The following WDR33 variants were observed in gnomAD, a reference collection of about 807,000 sequenced individuals.
WDR33 encodes WD repeat domain 33.
Under a neutral mutation model 164.9 loss-of-function variants are expected in WDR33, and 47 were observed. That is an observed-to-expected ratio of 0.29 (90% CI 0.23 to 0.36). The LOEUF is 0.36. WDR33 is among the 10% of genes least tolerant of loss of function. The pLI is 1.00. For missense variants in WDR33, 1,137 were observed against 1,754.1 expected (o/e 0.65, Z 6.28); for synonymous variants, 505 against 589.0 (o/e 0.86, Z 2.06).
rs1215601328 is a variant in WDR33 at position 127,716,200 on chromosome 2, C to A, written c.2869+955G>T. On this transcript the variant is annotated intron_variant, in intron 17 of 21. Transcript: ENST00000322313. The surrounding 1 kb of genome is among the most constrained non-coding windows in gnomAD (Gnocchi z 4.5). The stretch of plus-strand genomic sequence containing the variant: ...TCTCTTTCTTACCTCTAATATCACA[C>A]ATAAATTCAAGACTGAGCATAAATT... Among the ~76,000 whole-genome samples the A allele has an allele frequency of 6.6e-6, 1 of 152,200 alleles. No homozygotes were observed. Among genetic ancestry groups the A allele is most frequent in the East Asian group, 1.9e-4 (1 of 5,200 alleles).
intron 4 of WDR33, 93 bp downstream of exon 4, chr2:127,768,096 T>TA: frequency 2.7e-6 from 2 of 754,594 alleles, no homozygotes; most frequent in Non-Finnish European, 3.8e-6. Context: ...GATATACTTT[T>TA]AAAATAATGT....
At chr2:127,739,092 A>T (rs1686942609) in intron 7 of WDR33, among the ~76,000 whole-genome samples, 1 of 152,236 alleles carries the variant, frequency 6.6e-6, no homozygotes, top group African/African-American at 2.4e-5. Flanking sequence ...GTTCAAATTA[A>T]ATTAAACATA....
intron 7 of WDR33, among the ~76,000 whole-genome samples, chr2:127,761,839 T>TCC (rs1419575244): frequency 6.6e-6 from 1 of 152,170 alleles, no homozygotes; most frequent in African/African-American, 2.4e-5. Flanking sequence ...TGTGACAGGT[T>TCC]CCCTATTCTT....
At chr2:127,787,475 C>A (rs915005459) in intron 1 of WDR33, among the ~76,000 whole-genome samples, 1 of 138,160 alleles carries the variant, frequency 7.2e-6, no homozygotes, top group East Asian at 2.1e-4. Flanking sequence ...GGGCAGCTGG[C>A]CGGGCGGGGG....
intron 7 of WDR33, among the ~76,000 whole-genome samples, chr2:127,732,108 A>AACACACACACAC (rs71394692): frequency 3.5e-4 from 49 of 138,206 alleles, no homozygotes; most frequent in East Asian, 6.4e-4. Flanking sequence ...CAACATATAC[A>AACACACACACAC]ACACACACAC....
At chr2:127,752,874 A>G (rs1687413538) in intron 7 of WDR33, among the ~76,000 whole-genome samples, 1 of 152,244 alleles carries the variant, frequency 6.6e-6, no homozygotes, top group African/African-American at 2.4e-5. Context: ...TATCTGATGC[A>G]TCTAACAACT....
At chr2:127,737,526 C>T (rs551504879) in intron 7 of WDR33, 1 of 986,166 alleles carries the variant, frequency 1.0e-6, no homozygotes. Flanking sequence ...AAAGAAAAGA[C>T]ATTCAAAAGA....
intron 7 of WDR33, among the ~76,000 whole-genome samples, chr2:127,758,206 G>GT (rs757955950): frequency 2.0e-4 from 31 of 152,180 alleles, no homozygotes; most frequent in Non-Finnish European, 2.8e-4. Flanking sequence ...TGAATACCTA[G>GT]TTTCCTCTAC....
intron 1 of WDR33, among the ~76,000 whole-genome samples, chr2:127,800,327 T>A (rs1402218450): frequency 6.6e-6 from 1 of 152,120 alleles, no homozygotes; most frequent in African/African-American, 2.4e-5. Flanking sequence ...ACAAAAATAA[T>A]CTTTCTCCTT....
In WDR33 at chr2:127,770,166, C is replaced by T. The variant is rs1285738248; in HGVS notation, c.204+612G>A. Among the ~76,000 whole-genome samples, 2 of 152,142 alleles carry T rather than the reference C, an allele frequency of 1.3e-5. No individual in the cohort carries two copies. The highest frequency in any genetic ancestry group is 2.9e-5 in the Non-Finnish European group (2 of 68,026). ...AACAAGTGTTTTAAGACTGGCCTAG[C>T]GATTAAAGTACTCCCTTCTAATTTG... On this transcript the variant is annotated intron_variant, in intron 2 of 21. Transcript: ENST00000322313. This position sits in a 1 kb window ranked among gnomAD's most constrained non-coding sequence, Gnocchi z 4.9.
intron 7 of WDR33, chr2:127,762,744 T>C: frequency 1.3e-5 from 14 of 1,084,114 alleles, no homozygotes; most frequent in Non-Finnish European, 1.6e-5. Flanking sequence ...AGTGTCAATA[T>C]GTTGGGAACA....
At chr2:127,759,876 A>AT (rs887276309) in intron 7 of WDR33, among the ~76,000 whole-genome samples, 3 of 152,132 alleles carry the variant, frequency 2.0e-5, no homozygotes, top group East Asian at 1.9e-4. Flanking sequence ...GCCTGACTCT[A>AT]TTTTTTTAAA....
At chr2:127,725,679 A>G (rs987304026) in intron 8 of WDR33, among the ~76,000 whole-genome samples, 3 of 151,830 alleles carry the variant, frequency 2.0e-5, no homozygotes, top group Non-Finnish European at 2.9e-5. Flanking sequence ...GGTTGCAGTG[A>G]GCCGAGATTG....
chr2:127,771,393 T>C (rs1042952971), intron 1 of WDR33, among the ~76,000 whole-genome samples: 19 of 152,286 alleles, frequency 1.2e-4, no homozygotes, highest in Non-Finnish European at 1.8e-4. Context: ...AAAGACACCA[T>C]AGAAAAGTAT....
At chr2:127,795,926 TA>T (rs1689023252) in intron 1 of WDR33, among the ~76,000 whole-genome samples, 2 of 151,748 alleles carry the variant, frequency 1.3e-5, no homozygotes, top group African/African-American at 4.9e-5. Context: ...GACTAAAAGA[TA>T]AAAGCAACCT....
Position 127,721,320 on chromosome 2 carries a change from C to T in WDR33, c.1671+516G>A, listed in dbSNP as rs1421918994. ...GTGGGGTTTCACCATGTTGACCATG[C>T]TGGTCTCAAACTCCTGATCTCAGGT... On this transcript the variant is annotated intron_variant, in intron 15 of 21. Transcript: ENST00000322313. The surrounding 1 kb of genome is among the most constrained non-coding windows in gnomAD (Gnocchi z 4.9). Among the ~76,000 whole-genome samples, 1 of 152,044 alleles carries T rather than the reference C, an allele frequency of 6.6e-6. No individual in the cohort carries two copies. The highest frequency in any genetic ancestry group is 1.5e-5 in the Non-Finnish European group (1 of 67,986).
In WDR33 at chr2:127,710,453, G is replaced by A. The variant is rs1341932325; in HGVS notation, c.3309-597C>T. On this transcript the variant is annotated intron_variant, in intron 18 of 21. Coordinates refer to ENST00000322313, the MANE Select transcript of WDR33 (RefSeq NM_018383.5). This position sits in a 1 kb window ranked among gnomAD's most constrained non-coding sequence, Gnocchi z 4.4. ...CCCCAGCCCACAGCCTCCACCCAGG[G>A]GCAGGCCTCCATGACCACGAGTGGC... Among the ~76,000 whole-genome samples, 1 of 152,096 alleles carries A rather than the reference G, an allele frequency of 6.6e-6. No individual in the cohort carries two copies. The highest frequency in any genetic ancestry group is 1.5e-5 in the Non-Finnish European group (1 of 68,012).
chr2:127,779,341 C>G (rs1688294606), intron 1 of WDR33, among the ~76,000 whole-genome samples: 1 of 151,972 alleles, frequency 6.6e-6, no homozygotes, highest in Non-Finnish European at 1.5e-5. Flanking sequence ...TGGCGCACAC[C>G]TGTAGTCCCA....
rs1393797654 is a variant in WDR33, at chr2:127,714,540, G to A, written c.2870-519C>T. 6.6e-6 allele frequency among the ~76,000 whole-genome samples: 1 copy of A among 152,184 alleles called. No individual in the cohort carries two copies. Among genetic ancestry groups the A allele is most frequent in the African/African-American group, 2.4e-5 (1 of 41,436 alleles). Reference sequence around the variant, plus strand: ...CACTTGATTCCTCTGTAAGGTACATGCAATCACCAGCCTCTCAAATACCTG... The same window carrying A: ...CACTTGATTCCTCTGTAAGGTACATACAATCACCAGCCTCTCAAATACCTG... On this transcript the variant is annotated intron_variant, in intron 17 of 21. Coordinates refer to ENST00000322313, the MANE Select transcript of WDR33 (RefSeq NM_018383.5). This position sits in a 1 kb window ranked among gnomAD's most constrained non-coding sequence, Gnocchi z 4.3.
Sources: gnomAD v4.1 joint callset for allele counts (sites outside exome capture counted in the v4.1 genomes callset) on GRCh38, gnomAD v4.1.1 for gene constraint, Gnocchi (gnomAD v3.1) non-coding constraint, MANE v1.5 for transcripts, NCBI Gene and HGNC (gene_info 2026-07-23, HGNC 2026-07-21) for gene names.